The following MIDEAS variants were observed in gnomAD, a reference collection of about 807,000 sequenced individuals.
MIDEAS encodes the protein mitotic deacetylase associated SANT domain protein.
MIDEAS carries 26 observed loss-of-function variants against 102.7 expected under a neutral mutation model. That is an observed-to-expected ratio of 0.25 (90% CI 0.19 to 0.35). MIDEAS has a LOEUF of 0.35. Ranked by LOEUF, MIDEAS falls within the 10% of genes least tolerant of loss-of-function variation. The pLI is 1.00. For synonymous variants in MIDEAS, 585 were observed against 591.0 expected, an observed-to-expected ratio of 0.99 and a Z score of 0.15; for missense variants, 1,231 against 1,435.6, an observed-to-expected ratio of 0.86 and a Z score of 2.30.
Position 73,725,355 on chromosome 14 carries a change from C to G in MIDEAS, c.2491G>C (p.Asp831His), listed in dbSNP as rs2053046538. 1 of 1,613,772 alleles carries G rather than the reference C, an allele frequency of 6.2e-7. No individual in the cohort carries two copies. Residue 831 changes from aspartate to histidine, a missense_variant, in exon 9 of 13, where the codon GAC becomes CAC. Around this residue, in one of 5 missense-constraint regions of MIDEAS, gnomAD observed 391 missense variants for 483.0 expected, o/e 0.81. Transcript: ENST00000423556. This position sits in a 1 kb window ranked among gnomAD's most constrained non-coding sequence, Gnocchi z 4.1. ...PLATYHYTGS[D>H]QWKMAERKLF... ...TTCCTCTCGGCCATCTTCCACTGGT[C>G]AGAGCCTATGGGGCAAAGAGGCAGC...
intron 1 of MIDEAS, among the ~76,000 whole-genome samples, chr14:73,746,534 C>T (rs1017081532): frequency 1.3e-5 from 2 of 152,130 alleles, no homozygotes; most frequent in African/African-American, 4.8e-5. Flanking sequence ...CTCCTGGGAC[C>T]GCTGGGGTCC....
chr14:73,788,176 T>C (rs1231233592), upstream of MIDEAS, among the ~76,000 whole-genome samples: 1 of 151,662 alleles, frequency 6.6e-6, no homozygotes, highest in Non-Finnish European at 1.5e-5. Context: ...AAAAAGACAT[T>C]CGAAACTGCA....
intron 1 of MIDEAS, chr14:73,755,109 C>T (rs961338249): frequency 6.6e-6 from 1 of 152,356 alleles, no homozygotes; most frequent in Non-Finnish European, 1.5e-5. Flanking sequence ...AATGCTCTCA[C>T]CACGAAAGCT....
At chr14:73,779,473 T>C (rs781745207) in intron 1 of MIDEAS, among the ~76,000 whole-genome samples, 1 of 151,056 alleles carries the variant, frequency 6.6e-6, no homozygotes, top group South Asian at 2.1e-4. Flanking sequence ...CAAGAGCCAG[T>C]GTGTCTGTTG....
upstream of MIDEAS, among the ~76,000 whole-genome samples, chr14:73,788,682 A>T (rs1275610979): frequency 6.6e-6 from 1 of 152,222 alleles, no homozygotes; most frequent in Non-Finnish European, 1.5e-5. Context: ...TAGACTCAAT[A>T]ATTAAAGTTC....
intron 1 of MIDEAS, among the ~76,000 whole-genome samples, chr14:73,782,469 A>G (rs966002852): frequency 1.8e-4 from 28 of 152,126 alleles, no homozygotes; most frequent in African/African-American, 6.3e-4. Context: ...CTGGGACTAC[A>G]GGCACGTGCC....
Position 73,718,501 on chromosome 14 carries a change from A to G in MIDEAS, c.*342T>C. On this transcript the variant is annotated 3_prime_UTR_variant, in exon 13 of 13. Transcript: ENST00000423556. ...AGGCCGAGGGGAGGAGGGGGAAGCA[A>G]ATAAAGGGAAAAGACTGCGGGGCAG... 5.2e-6 allele frequency: 1 copy of G among 192,998 alleles called. No homozygotes were observed. Among genetic ancestry groups the G allele is most frequent in the Non-Finnish European group, 1.0e-5 (1 of 95,536 alleles). 12.0% of individuals were successfully genotyped at this position (192,998 alleles called of 1,614,324 possible).
chr14:73,727,767 C>G (rs569975069), intron 4 of MIDEAS: 63 of 489,138 alleles, frequency 1.3e-4, no homozygotes, highest in East Asian at 1.5e-4. Flanking sequence ...CTGTCTCCTA[C>G]GGTTAATGTG....
intron 1 of MIDEAS, among the ~76,000 whole-genome samples, chr14:73,770,829 G>A (rs2053636192): frequency 6.6e-6 from 1 of 152,146 alleles, no homozygotes; most frequent in Non-Finnish European, 1.5e-5. Flanking sequence ...CAACCCTGGG[G>A]CACACACGTG....
intron 1 of MIDEAS, among the ~76,000 whole-genome samples, chr14:73,751,718 T>C (rs544844320): frequency 6.6e-6 from 1 of 152,194 alleles, no homozygotes; most frequent in South Asian, 2.1e-4. Context: ...CTGACCAACA[T>C]GGAGAAACTC....
At position 73,753,538 on chromosome 14, in the gene MIDEAS, C is replaced by T. The variant is rs185883712; in HGVS notation, c.-248+6225G>A. Among the ~76,000 whole-genome samples the T allele has an allele frequency of 1.8e-4, 28 of 152,312 alleles. No individual in the cohort carries two copies. In the East Asian group the frequency reaches 4.2e-3, roughly 23 times the overall value. On this transcript the variant is annotated intron_variant, in intron 1 of 12. Coordinates refer to ENST00000423556, the MANE Select transcript of MIDEAS (RefSeq NM_001367710.1). ...ATGAGGTAATACATAGATGAAGCGC[C>T]GCCTGGCACAGGGTACGCACTCAAT...
chr14:73,782,518 A>AG (rs2053766234), intron 1 of MIDEAS, among the ~76,000 whole-genome samples: 1 of 152,126 alleles, frequency 6.6e-6, no homozygotes, highest in South Asian at 2.1e-4. Context: ...TTTACAGAGA[A>AG]GGGGTCTTGC....
In MIDEAS at chr14:73,739,098, T is replaced by C; in HGVS notation, c.911A>G (p.His304Arg). 1 of 1,600,534 alleles carries C rather than the reference T, an allele frequency of 6.2e-7. No individual in the cohort carries two copies. The highest frequency in any genetic ancestry group is 8.5e-7 in the Non-Finnish European group (1 of 1,171,632). ...GGGGAAGGGGTAGGGTGCCATGCTG[T>C]GGTGAGCCAGGTGGGACTGTCCCAG... Reference protein sequence around the residue: ...GPLGQSHLAHHSMAPYPFPPN... With the variant: ...GPLGQSHLAHRSMAPYPFPPN... Residue 304 changes from histidine (H) to arginine (R), a missense_variant, in exon 2 of 13, where the codon CAC becomes CGC. Physicochemically the swap from His to Arg is conservative, Grantham distance 29. Coordinates refer to ENST00000423556, the MANE Select transcript of MIDEAS (RefSeq NM_001367710.1).
chr14:73,758,491 GC>G (rs1236240813), intron 1 of MIDEAS, among the ~76,000 whole-genome samples: 1 of 152,170 alleles, frequency 6.6e-6, no homozygotes, highest in African/African-American at 2.4e-5. Context: ...GGCTCCCCCT[GC>G]TGGAGCAAGC....
At chr14:73,733,771 T>C (rs1285031879) in intron 3 of MIDEAS, among the ~76,000 whole-genome samples, 2 of 151,278 alleles carry the variant, frequency 1.3e-5, no homozygotes, top group African/African-American at 2.4e-5. Context: ...CTTGGCTTAC[T>C]ACAACCTCCA....
intron 1 of MIDEAS, among the ~76,000 whole-genome samples, chr14:73,745,591 C>T (rs1322421150): frequency 1.3e-5 from 2 of 152,214 alleles, no homozygotes; most frequent in African/African-American, 2.4e-5. Context: ...CTGGGGTCTC[C>T]AGCTATAGCC....
intron 1 of MIDEAS, among the ~76,000 whole-genome samples, chr14:73,779,295 T>C (rs1054248780): frequency 6.9e-6 from 1 of 145,378 alleles, no homozygotes; most frequent in Non-Finnish European, 1.5e-5. Flanking sequence ...CTCAGGAGGG[T>C]GAGGGAGGAG....
intron 3 of MIDEAS, among the ~76,000 whole-genome samples, chr14:73,735,525 T>C (rs138701534): frequency 7.2e-5 from 11 of 152,270 alleles, no homozygotes; most frequent in South Asian, 4.1e-4. Context: ...TTTAAATAAA[T>C]AGAAAGATAT....
chr14:73,749,292 G>A (rs534908524), intron 1 of MIDEAS, among the ~76,000 whole-genome samples: 1 of 103,016 alleles, frequency 9.7e-6, no homozygotes, highest in South Asian at 4.0e-4. Flanking sequence ...CAAAATTTTG[G>A]GAGGCCAAGG....
Sources: gnomAD v4.1 joint callset for allele counts (sites outside exome capture counted in the v4.1 genomes callset) on GRCh38, gnomAD v4.1.1 for gene constraint, gnomAD v4.1.1 regional missense constraint, Gnocchi (gnomAD v3.1) non-coding constraint, MANE v1.5 for transcripts, NCBI Gene and HGNC (gene_info 2026-07-23, HGNC 2026-07-21) for gene names.